LPAR6: variants seen among roughly 807,000 people sequenced by gnomAD.
LPAR6 encodes the protein lysophosphatidic acid receptor 6, also known as G-protein coupled purinergic receptor P2Y5.
A neutral mutation model predicts 22.0 loss-of-function variants in LPAR6; 17 were observed. The observed-to-expected ratio is 0.77, with a 90% CI of 0.53 to 1.16. LPAR6 has a LOEUF of 1.16. Ranked by LOEUF, LPAR6 falls within the 50% of genes most tolerant of loss-of-function variation. The probability of loss-of-function intolerance (pLI) is 0.00; values close to 1 mark genes in which losing one functional copy is unlikely to be tolerated. For missense variants in LPAR6, 384 were observed against 406.9 expected, an observed-to-expected ratio of 0.94 and a Z score of 0.48; for synonymous variants, 136 against 139.8, an observed-to-expected ratio of 0.97 and a Z score of 0.19.
chr13:48,389,859 G>T (rs1368087888), intron 1 of LPAR6: 1 of 152,276 alleles, frequency 6.6e-6, no homozygotes, highest in African/African-American at 2.4e-5. Flanking sequence ...GAGGTTTTAA[G>T]AAACAGGATA....
At chr13:48,414,119 A>T (rs1948866223), upstream of LPAR6, among the ~76,000 whole-genome samples, 1 of 152,156 alleles carries the variant, frequency 6.6e-6, no homozygotes, top group Non-Finnish European at 1.5e-5. Context: ...AGGCCGAGGC[A>T]GGTGGATCAC....
At position 48,411,883 on chromosome 13, in the gene LPAR6, G is replaced by A. The variant is rs1397623656; in HGVS notation, c.541C>T (p.Leu181Phe). The change falls in exon 1 of 1, where the codon CTC (leucine) becomes TTC (phenylalanine). Residue 181 changes from leucine to phenylalanine, a missense_variant. Transcript: ENST00000620633. Reference protein sequence around the residue: ...NFPEATWKTYLSRIVIFIEIV... With the variant: ...NFPEATWKTYFSRIVIFIEIV... Reference sequence around the variant, plus strand: ...TCGATGAAAATTACAATCCTTGAGAGATATGTTTTCCATGTGGCTTCTGGA... The same window carrying A: ...TCGATGAAAATTACAATCCTTGAGAAATATGTTTTCCATGTGGCTTCTGGA... 2 of 1,613,184 alleles carry A rather than the reference G, an allele frequency of 1.2e-6. No homozygotes were observed. The highest frequency in any genetic ancestry group is 4.5e-5 in the East Asian group (2 of 44,742).
At chr13:48,428,972 G>A (rs939940089), upstream of LPAR6, among the ~76,000 whole-genome samples, 4 of 152,310 alleles carry the variant, frequency 2.6e-5, no homozygotes, top group Admixed American at 2.0e-4. Context: ...CTCTCAGGAT[G>A]CTCCTGGAAG....
chr13:48,395,471 A>G (rs1230565101), intron 1 of LPAR6, among the ~76,000 whole-genome samples: 2 of 152,180 alleles, frequency 1.3e-5, no homozygotes, highest in African/African-American at 4.8e-5. Flanking sequence ...CAAGGAAGCT[A>G]AGAACTTTGA....
intron 1 of LPAR6, among the ~76,000 whole-genome samples, chr13:48,396,616 G>A (rs1415329884): frequency 6.6e-6 from 1 of 152,190 alleles, no homozygotes; most frequent in Non-Finnish European, 1.5e-5. Context: ...AACACCAAAA[G>A]CAATGGCAAC....
chr13:48,413,740 A>G (rs1948858728), upstream of LPAR6, among the ~76,000 whole-genome samples: 1 of 152,140 alleles, frequency 6.6e-6, no homozygotes, highest in Non-Finnish European at 1.5e-5. Context: ...TTTTTAAATT[A>G]CTCATTTCTC....
At chr13:48,414,814 C>T (rs1948880447), upstream of LPAR6, among the ~76,000 whole-genome samples, 1 of 152,070 alleles carries the variant, frequency 6.6e-6, no homozygotes, top group Non-Finnish European at 1.5e-5. Flanking sequence ...ATAACCAATA[C>T]TTAAAATTTT....
intron 1 of LPAR6, among the ~76,000 whole-genome samples, chr13:48,434,672 A>G (rs907534253): frequency 2.0e-5 from 3 of 152,146 alleles, no homozygotes; most frequent in Non-Finnish European, 4.4e-5. Flanking sequence ...TGACCTGGTG[A>G]AAATGTGTAG....
chr13:48,443,259 A>G (rs1052397016), intron 1 of LPAR6, among the ~76,000 whole-genome samples: 1 of 151,644 alleles, frequency 6.6e-6, no homozygotes, highest in African/African-American at 2.4e-5. Flanking sequence ...TTTTTCAGTA[A>G]ATGGATAAAG....
At chr13:48,398,739 T>A (rs2138176144) in intron 1 of LPAR6, among the ~76,000 whole-genome samples, 1 of 152,166 alleles carries the variant, frequency 6.6e-6, no homozygotes, top group Admixed American at 6.5e-5. Context: ...ATGCTGTTTT[T>A]ACTACCTCTA....
rs1218610670 is a variant in LPAR6, at chr13:48,412,176, G to A, written c.248C>T (p.Pro83Leu). Residue 83 changes from proline to leucine, a missense_variant, in exon 1 of 1, where the codon CCA becomes CTA. Pro to Leu is a moderately conservative substitution (Grantham distance 98). Coordinates refer to ENST00000620633, the MANE Select transcript of LPAR6 (RefSeq NM_001162498.3). Reference sequence around the variant, plus strand: ...AATCTTACAAAGTAAATCTCCAAATGGCCAATTCCGTGTTGTGAAGTAAAA... The same window carrying A: ...AATCTTACAAAGTAAATCTCCAAATAGCCAATTCCGTGTTGTGAAGTAAAA... ...RIFYFTTRNW[P>L]FGDLLCKISV... is the part of the protein sequence containing the mutation. 2 of 1,613,960 alleles carry A rather than the reference G, an allele frequency of 1.2e-6. No individual in the cohort carries two copies. Among genetic ancestry groups the A allele is most frequent in the South Asian group, 1.1e-5 (1 of 91,080 alleles).
At chr13:48,403,326 C>T (rs1948710254) in intron 1 of LPAR6, among the ~76,000 whole-genome samples, 1 of 151,950 alleles carries the variant, frequency 6.6e-6, no homozygotes, top group Non-Finnish European at 1.5e-5. Flanking sequence ...TCCCCGCAAA[C>T]CCTACAGAAG....
intron 1 of LPAR6, chr13:48,391,420 C>T (rs1223377310): frequency 2.0e-5 from 3 of 152,048 alleles, no homozygotes; most frequent in Non-Finnish European, 4.4e-5. Context: ...CTCTTCATTC[C>T]TTGTGTAGAT....
At chr13:48,409,311 AC>A (rs1477960895), downstream of LPAR6, among the ~76,000 whole-genome samples, 5 of 149,244 alleles carry the variant, frequency 3.4e-5, no homozygotes, top group African/African-American at 1.2e-4. Flanking sequence ...CCTAAAGAAA[AC>A]CCCCCACTGT....
chr13:48,395,182 A>G (rs1279860344), intron 1 of LPAR6, among the ~76,000 whole-genome samples: 2 of 152,210 alleles, frequency 1.3e-5, no homozygotes, highest in Admixed American at 6.5e-5. Context: ...GAACTAACAA[A>G]CAGAAATGAA....
In LPAR6 at chr13:48,411,202, T is replaced by G; in HGVS notation, c.*187A>C. The G allele has an allele frequency of 1.9e-6, 1 of 525,582 alleles. No homozygotes were observed. The highest frequency in any genetic ancestry group is 3.4e-6 in the Non-Finnish European group (1 of 295,112). 32.6% of individuals were successfully genotyped at this position (525,582 alleles called of 1,614,324 possible). A position where few individuals can be genotyped will look rare whatever the true frequency, so the allele number is the denominator to read the frequency against. On this transcript the variant is annotated 3_prime_UTR_variant, in exon 1 of 1. Coordinates refer to ENST00000620633, the MANE Select transcript of LPAR6 (RefSeq NM_001162498.3). ...AATGGCTCAGAAAAATCAGATGGAG[T>G]GGATACACAAATAAAATACATGTTA...
downstream of LPAR6, among the ~76,000 whole-genome samples, chr13:48,407,891 T>G (rs567607599): frequency 6.6e-6 from 1 of 152,172 alleles, no homozygotes; most frequent in Non-Finnish European, 1.5e-5. Flanking sequence ...GGACTGGCAT[T>G]TAGGCACGAA....
intron 1 of LPAR6, among the ~76,000 whole-genome samples, chr13:48,437,549 G>C (rs9595906): frequency 0.011 from 1,654 of 152,282 alleles, 30 homozygotes; most frequent in African/African-American, 0.038. Context: ...CTAGTTTAAG[G>C]CTTCACTGGG....
chr13:48,440,876 C>T (rs867701486), intron 1 of LPAR6, among the ~76,000 whole-genome samples: 19 of 152,082 alleles, frequency 1.2e-4, no homozygotes, highest in Non-Finnish European at 2.5e-4. Flanking sequence ...TGATTTTAAA[C>T]TCTCATCTGT....
Sources: allele counts gnomAD v4.1 joint callset (sites outside exome capture counted in the v4.1 genomes callset), GRCh38; gene constraint gnomAD v4.1.1; transcripts MANE v1.5; gene names NCBI Gene and HGNC (gene_info 2026-07-23, HGNC 2026-07-21).